The following ERO1A variants were observed in gnomAD, a reference collection of about 807,000 sequenced individuals.
ERO1A encodes the protein ERO1-like protein alpha.
Under a neutral mutation model 76.9 loss-of-function variants are expected in ERO1A, and 49 were observed. The observed-to-expected ratio is 0.64, with a 90% CI of 0.51 to 0.81. The LOEUF (loss-of-function observed/expected upper bound fraction) is 0.81. Ranked by LOEUF, ERO1A falls within the 30% of genes least tolerant of loss-of-function variation. The probability of loss-of-function intolerance (pLI) is 0.00; values close to 1 mark genes in which losing one functional copy is unlikely to be tolerated. For synonymous variants in ERO1A, 174 were observed against 181.2 expected (o/e 0.96, Z 0.32); for missense variants, 448 against 542.1 (o/e 0.83, Z 1.72).
At chr14:52,686,802 G>A (rs2041190971) in intron 1 of ERO1A, among the ~76,000 whole-genome samples, 1 of 151,934 alleles carries the variant, frequency 6.6e-6, no homozygotes, top group South Asian at 2.1e-4. Flanking sequence ...TTGAACCGGG[G>A]AGGCAGAGAT....
intron 3 of ERO1A, 123 bp downstream of exon 3, chr14:52,682,202 T>C (rs1018261897): frequency 2.9e-6 from 2 of 696,560 alleles, no homozygotes; most frequent in Non-Finnish European, 4.7e-6. Flanking sequence ...AAGACCAACC[T>C]GGGCAACATA....
chr14:52,647,717 A>G (rs771199403), intron 13 of ERO1A, among the ~76,000 whole-genome samples: 4 of 152,196 alleles, frequency 2.6e-5, no homozygotes, highest in Admixed American at 6.5e-5. Flanking sequence ...TTTTCCTTCA[A>G]TGGAAATTAC....
At chr14:52,689,013 T>A (rs2041269158) in intron 1 of ERO1A, among the ~76,000 whole-genome samples, 1 of 152,204 alleles carries the variant, frequency 6.6e-6, no homozygotes, top group South Asian at 2.1e-4. Context: ...TGGAGTGCAA[T>A]GGTGCAATCT....
At chr14:52,691,643 G>T (rs747207764) in intron 1 of ERO1A, among the ~76,000 whole-genome samples, 5 of 152,144 alleles carry the variant, frequency 3.3e-5, no homozygotes, top group African/African-American at 7.2e-5. Context: ...TCTACTAAAT[G>T]CGCTCCAAGC....
intron 4 of ERO1A, among the ~76,000 whole-genome samples, chr14:52,676,614 T>C (rs1440633564): frequency 1.3e-5 from 2 of 152,246 alleles, no homozygotes; most frequent in Admixed American, 6.5e-5. Context: ...GACAAAGATT[T>C]AGTTTCTTTG....
chr14:52,657,665 A>C (rs1332587403), intron 11 of ERO1A, among the ~76,000 whole-genome samples: 1 of 152,224 alleles, frequency 6.6e-6, no homozygotes, highest in Non-Finnish European at 1.5e-5. Flanking sequence ...ACAAGAAAAC[A>C]AGAATATTTC....
intron 4 of ERO1A, among the ~76,000 whole-genome samples, chr14:52,675,010 T>C (rs988596093): frequency 1.3e-5 from 2 of 152,124 alleles, no homozygotes; most frequent in African/African-American, 2.4e-5. Flanking sequence ...TTGAAATGCA[T>C]CCGAAAAATA....
rs1228042890 is a variant in ERO1A at position 52,643,248 on chromosome 14, T to C, written c.*322A>G. The C allele has an allele frequency of 5.9e-6, 1 of 170,222 alleles. No individual in the cohort carries two copies. The highest frequency in any genetic ancestry group is 2.4e-5 in the African/African-American group (1 of 42,286). 10.5% of individuals were successfully genotyped at this position (170,222 alleles called of 1,614,324 possible). On this transcript the variant is annotated 3_prime_UTR_variant, in exon 16 of 16. Coordinates refer to ENST00000395686, the MANE Select transcript of ERO1A (RefSeq NM_014584.3). ...CCATAGTTTTATTTATATTACATAT[T>C]ATTACATAAAACGCTAGTTTGAGAG...
intron 13 of ERO1A, among the ~76,000 whole-genome samples, chr14:52,649,917 T>C (rs2039797856): frequency 6.6e-6 from 1 of 152,160 alleles, no homozygotes. Context: ...TTTGTAAATA[T>C]TTTGATGAAA....
chr14:52,659,580 T>C (rs1300787848), intron 9 of ERO1A, among the ~76,000 whole-genome samples: 4 of 152,114 alleles, frequency 2.6e-5, no homozygotes, highest in Non-Finnish European at 5.9e-5. Flanking sequence ...CTAGGATTGG[T>C]GAAAGAATTA....
chr14:52,646,504 G>A, intron 13 of ERO1A, 43 bp from the exon 14 acceptor site: 1 of 1,450,862 alleles, frequency 6.9e-7, no homozygotes, highest in Non-Finnish European at 9.6e-7. Flanking sequence ...GTAATATACA[G>A]TCAATTAGTA....
In ERO1A at chr14:52,675,308, G is replaced by A. The variant is rs181984312; in HGVS notation, c.357+3126C>T. 8.6e-5 allele frequency among the ~76,000 whole-genome samples: 13 copies of A among 151,860 alleles called. No homozygotes were observed. In the East Asian group the frequency reaches 1.4e-3, roughly 16 times the overall value. On this transcript the variant is annotated intron_variant, in intron 4 of 15. Coordinates refer to ENST00000395686, the MANE Select transcript of ERO1A (RefSeq NM_014584.3). Reference sequence around the variant, plus strand: ...TGAGGCAGGAGAATTGCTTGAACCCGGGAGGCAGAGGTTGCAGTGAGCCAA... The same window carrying A: ...TGAGGCAGGAGAATTGCTTGAACCCAGGAGGCAGAGGTTGCAGTGAGCCAA...
At chr14:52,680,185 A>G (rs577522830) in intron 3 of ERO1A, among the ~76,000 whole-genome samples, 55 of 151,758 alleles carry the variant, frequency 3.6e-4, no homozygotes, top group African/African-American at 1.3e-3. Context: ...TCCTGACTCA[A>G]TATTTCAGTG....
chr14:52,643,792 G>A (rs547537126), intron 15 of ERO1A, among the ~76,000 whole-genome samples, 162 bp from the exon 16 acceptor site: 3 of 151,978 alleles, frequency 2.0e-5, no homozygotes, highest in African/African-American at 7.2e-5. Flanking sequence ...TTCTTAATTC[G>A]ACAAGGTAAA....
At position 52,652,114 on chromosome 14, in the gene ERO1A, G is replaced by C. The variant is rs570055289; in HGVS notation, c.1125+125C>G. The C allele has an allele frequency of 3.4e-5, 17 of 503,518 alleles. No homozygotes were observed. The South Asian group carries it at 6.1e-4, about 18-fold the overall frequency. 31.2% of individuals were successfully genotyped at this position (503,518 alleles called of 1,614,324 possible). The stretch of plus-strand genomic sequence containing the variant: ...CCCAAAGTGCTGGAATTACAGGCCT[G>C]AGCCACTGCCCCTGGCCTACTCTCT... On this transcript the variant is annotated intron_variant, in intron 13 of 15. Transcript: ENST00000395686.
At chr14:52,654,529 T>G (rs1042955649) in intron 11 of ERO1A, among the ~76,000 whole-genome samples, 16 of 152,188 alleles carry the variant, frequency 1.1e-4, no homozygotes, top group African/African-American at 3.9e-4. Flanking sequence ...ATGAGGATGT[T>G]TTTTATATAT....
chr14:52,646,624 T>C (rs1174884903), intron 13 of ERO1A, 163 bp from the exon 14 acceptor site: 10 of 533,296 alleles, frequency 1.9e-5, no homozygotes, highest in Middle Eastern at 4.9e-4. Flanking sequence ...GATCCTTACA[T>C]ACACAATCTC....
rs2041125691 is a variant in ERO1A at position 52,684,795 on chromosome 14, A to G, written c.115-888T>C. Among the ~76,000 whole-genome samples the G allele has an allele frequency of 7.1e-5, 4 of 56,314 alleles. No individual in the cohort carries two copies. The South Asian group carries it at 2.7e-3, about 38-fold the overall frequency. 36.9% of individuals were successfully genotyped at this position (56,314 alleles called of 152,430 possible). A position where few individuals can be genotyped will look rare whatever the true frequency, so the allele number is the denominator to read the frequency against. ...TAAATATTATCAATTATGAAACTAG[A>G]ATTCTTTTTTTTTCTTTTTTCACCA... On this transcript the variant is annotated intron_variant, in intron 1 of 15. Transcript: ENST00000395686.
intron 11 of ERO1A, among the ~76,000 whole-genome samples, chr14:52,656,739 T>C (rs1445990488): frequency 6.7e-6 from 1 of 148,678 alleles, no homozygotes; most frequent in Non-Finnish European, 1.5e-5. Flanking sequence ...AACAGTAAAA[T>C]TACTAATGAG....
Sources: allele counts gnomAD v4.1 joint callset (sites outside exome capture counted in the v4.1 genomes callset), GRCh38; gene constraint gnomAD v4.1.1; transcripts MANE v1.5; gene names NCBI Gene and HGNC (gene_info 2026-07-23, HGNC 2026-07-21).